The following MAGI2 variants were observed in gnomAD, a reference collection of about 807,000 sequenced individuals.
MAGI2 encodes membrane-associated guanylate kinase, WW and PDZ domain-containing protein 2.
Under a neutral mutation model 133.3 loss-of-function variants are expected in MAGI2, and 35 were observed. The ratio of observed to expected loss-of-function variants is 0.26; its 90% CI spans 0.20 to 0.35. The LOEUF (loss-of-function observed/expected upper bound fraction) is 0.35. Among genes scored for constraint, MAGI2 ranks in the 10% least tolerant of loss-of-function variants. The pLI, the probability that MAGI2 is intolerant of heterozygous loss-of-function variation, is 1.00. For missense variants in MAGI2, 1,636 were observed against 1,863.4 expected (o/e 0.88, Z 2.25); for synonymous variants, 729 against 710.6 (o/e 1.03, Z -0.41).
At chr7:78,307,024 T>C (rs772869379) in intron 9 of MAGI2, among the ~76,000 whole-genome samples, 34 of 152,158 alleles carry the variant, frequency 2.2e-4, no homozygotes, top group Non-Finnish European at 4.6e-4. Context: ...AAATTAAATT[T>C]TGTTTCATTT....
intron 1 of MAGI2, among the ~76,000 whole-genome samples, chr7:79,447,860 T>C (rs190686180): frequency 6.5e-4 from 99 of 152,072 alleles, no homozygotes; most frequent in Non-Finnish European, 1.3e-3. Context: ...TCCTCTTTAT[T>C]ATACATTGTT....
chr7:78,143,737 G>T (rs1318579966), intron 16 of MAGI2, among the ~76,000 whole-genome samples: 1 of 152,042 alleles, frequency 6.6e-6, no homozygotes, highest in Non-Finnish European at 1.5e-5. Context: ...CTGTCCATAT[G>T]CATAGAGAAA....
intron 3 of MAGI2, among the ~76,000 whole-genome samples, chr7:78,590,875 G>A (rs1316878734): frequency 6.6e-6 from 1 of 152,136 alleles, no homozygotes; most frequent in Non-Finnish European, 1.5e-5. Context: ...AGTTCCAAAG[G>A]TGGGGATATT....
intron 1 of MAGI2, among the ~76,000 whole-genome samples, chr7:79,319,997 G>A (rs754957455): frequency 2.0e-5 from 3 of 152,070 alleles, no homozygotes; most frequent in Non-Finnish European, 2.9e-5. Context: ...CAAATGCATA[G>A]GTTAAGTAAC....
chr7:78,495,009 G>A (rs112077449), intron 5 of MAGI2, among the ~76,000 whole-genome samples: 1 of 152,306 alleles, frequency 6.6e-6, no homozygotes, highest in Non-Finnish European at 1.5e-5. Flanking sequence ...ATATTCTGGA[G>A]TCAACAGCAA....
intron 1 of MAGI2, among the ~76,000 whole-genome samples, chr7:79,376,396 G>T (rs759904784): frequency 4.6e-5 from 7 of 151,816 alleles, no homozygotes; most frequent in Non-Finnish European, 7.4e-5. Flanking sequence ...ATGATTTGAG[G>T]TAATAAAATG....
chr7:78,089,888 C>T (rs1313608423), intron 20 of MAGI2, among the ~76,000 whole-genome samples: 1 of 152,194 alleles, frequency 6.6e-6, no homozygotes, highest in Non-Finnish European at 1.5e-5. Flanking sequence ...TCCCCTCCTG[C>T]CCCATGCTTC....
chr7:79,366,262 G>A (rs12056183), intron 1 of MAGI2, among the ~76,000 whole-genome samples: 1 of 151,740 alleles, frequency 6.6e-6, no homozygotes, highest in African/African-American at 2.4e-5. Context: ...AACAAACAAA[G>A]AAAAATATAT....
chr7:78,374,620 T>C (rs1794259822), intron 6 of MAGI2, among the ~76,000 whole-genome samples: 1 of 152,030 alleles, frequency 6.6e-6, no homozygotes, highest in South Asian at 2.1e-4. Flanking sequence ...TTGAAGTTGG[T>C]TTGCTAGTAT....
In MAGI2 at chr7:79,090,717, G is replaced by A. The variant is rs898912378; in HGVS notation, c.302-83511C>T. ...GCTGATAGATGACAATGCCATAATT[G>A]TGTGTTTAAGCCTTCTGTCACAGAA... On this transcript the variant is annotated intron_variant, in intron 1 of 21. Coordinates refer to ENST00000354212, the MANE Select transcript of MAGI2 (RefSeq NM_012301.4). Among the ~76,000 whole-genome samples, 6 of 152,174 alleles carry A rather than the reference G, an allele frequency of 3.9e-5. No homozygotes were observed. The South Asian group carries it at 1.2e-3, about 31-fold the overall frequency.
At chr7:79,235,397 C>T (rs1831818204) in intron 1 of MAGI2, among the ~76,000 whole-genome samples, 1 of 152,148 alleles carries the variant, frequency 6.6e-6, no homozygotes, top group African/African-American at 2.4e-5. Flanking sequence ...CCCAGCCTCG[C>T]TGCCGCCTTG....
chr7:78,572,821 C>T (rs969879794), intron 3 of MAGI2, among the ~76,000 whole-genome samples: 1 of 151,256 alleles, frequency 6.6e-6, no homozygotes, highest in Admixed American at 6.6e-5. Flanking sequence ...TGCCACCATG[C>T]CCAGCTAATT....
At chr7:79,085,698 G>A (rs1816422584) in intron 1 of MAGI2, among the ~76,000 whole-genome samples, 1 of 151,992 alleles carries the variant, frequency 6.6e-6, no homozygotes, top group Middle Eastern at 3.4e-3. Flanking sequence ...AGTTTGTTTA[G>A]TATCTTTCTT....
intron 9 of MAGI2, chr7:78,285,716 T>G (rs1482090298): frequency 6.6e-6 from 1 of 152,174 alleles, no homozygotes; most frequent in Non-Finnish European, 1.5e-5. Flanking sequence ...ACCTGGGATC[T>G]TGTTACAGGG....
At chr7:79,241,608 C>G in intron 1 of MAGI2, among the ~76,000 whole-genome samples, 1 of 152,142 alleles carries the variant, frequency 6.6e-6, no homozygotes, top group Non-Finnish European at 1.5e-5. Flanking sequence ...AAACTGACCC[C>G]ATCTTTGTTT....
chr7:78,829,740 T>C (rs1790979653), intron 2 of MAGI2, among the ~76,000 whole-genome samples: 1 of 152,136 alleles, frequency 6.6e-6, no homozygotes, highest in South Asian at 2.1e-4. Flanking sequence ...GCTGACATTC[T>C]TTTTTGACAT....
intron 2 of MAGI2, among the ~76,000 whole-genome samples, chr7:78,685,625 TTA>T (rs1816206140): frequency 6.8e-6 from 1 of 145,990 alleles, no homozygotes; most frequent in African/African-American, 2.5e-5. Context: ...CTGAAAGTCA[TTA>T]TATATACGTA....
intron 2 of MAGI2, among the ~76,000 whole-genome samples, chr7:78,903,416 C>G (rs918947672): frequency 7.0e-6 from 1 of 143,344 alleles, no homozygotes; most frequent in Non-Finnish European, 1.5e-5. Context: ...AGGATGGTCT[C>G]GATCTCCTGA....
chr7:78,145,529 T>C (rs540924354), intron 16 of MAGI2, among the ~76,000 whole-genome samples: 4 of 152,306 alleles, frequency 2.6e-5, no homozygotes, highest in South Asian at 2.1e-4. Flanking sequence ...CTGCTTCTCC[T>C]ATAGGTCATA....
Sources: gnomAD v4.1 joint callset for allele counts (sites outside exome capture counted in the v4.1 genomes callset) on GRCh38, gnomAD v4.1.1 for gene constraint, MANE v1.5 for transcripts, NCBI Gene and HGNC (gene_info 2026-07-23, HGNC 2026-07-21) for gene names.